The following SCN7A variants were observed in gnomAD, a reference collection of about 807,000 sequenced individuals.
SCN7A encodes the protein sodium voltage-gated channel alpha subunit 7.
Under a neutral mutation model 155.2 loss-of-function variants are expected in SCN7A, and 138 were observed. The ratio of observed to expected loss-of-function variants is 0.89; its 90% CI spans 0.77 to 1.02. SCN7A has a LOEUF of 1.02. Among genes scored for constraint, SCN7A ranks in the 50% least tolerant of loss-of-function variants. The probability of loss-of-function intolerance (pLI) is 0.00; values close to 1 mark genes in which losing one functional copy is unlikely to be tolerated. For synonymous variants in SCN7A, 693 were observed against 649.0 expected, an observed-to-expected ratio of 1.07 and a Z score of -1.03; for missense variants, 2,058 against 1,986.6, an observed-to-expected ratio of 1.04 and a Z score of -0.68.
At chr2:166,468,011 C>T (rs1188804571) in intron 7 of SCN7A, among the ~76,000 whole-genome samples, 2 of 151,686 alleles carry the variant, frequency 1.3e-5, no homozygotes, top group Non-Finnish European at 2.9e-5. Context: ...GTTTTGAGAA[C>T]TTATATCCAA....
intron 2 of SCN7A, among the ~76,000 whole-genome samples, chr2:166,485,687 C>T (rs748047245): frequency 4.6e-5 from 7 of 152,098 alleles, no homozygotes; most frequent in Non-Finnish European, 1.0e-4. Context: ...TCCAATACAA[C>T]GAACATCTTT....
rs1701082362 is a variant in SCN7A at position 166,406,610 on chromosome 2, A to G, written c.4019T>C (p.Val1340Ala). Reference sequence around the variant, plus strand: ...TATCAGTTGCACAAGTGAAGGAGGCACAAGGTAGGATCCTACTGTCATAGG... The same window carrying G: ...TATCAGTTGCACAAGTGAAGGAGGCGCAAGGTAGGATCCTACTGTCATAGG... Reference protein sequence around the residue: ...CLPMTVGSYLVPPSLVQLILL... With the variant: ...CLPMTVGSYLAPPSLVQLILL... The change falls in exon 26 of 26, where the codon GTG becomes GCG. Residue 1340 changes from valine (V) to alanine (A), a missense_variant. Val to Ala is a moderately conservative substitution (Grantham distance 64). Transcript: ENST00000643258. 1 of 1,611,438 alleles carries G rather than the reference A, an allele frequency of 6.2e-7. No individual in the cohort carries two copies. Among genetic ancestry groups the G allele is most frequent in the Non-Finnish European group, 8.5e-7 (1 of 1,178,484 alleles).
intron 21 of SCN7A, chr2:166,414,697 C>T (rs568344494): frequency 7.1e-4 from 97 of 137,578 alleles, no homozygotes; most frequent in Middle Eastern, 7.3e-3. Flanking sequence ...CATAGATACA[C>T]GAGCTTACTT....
rs537480209 is a variant in SCN7A at position 166,414,748 on chromosome 2, C to A, written c.3415-1627G>T. 3.7e-4 allele frequency: 50 copies of A among 134,524 alleles called. No individual in the cohort carries two copies. The South Asian group carries it at 0.011, about 30-fold the overall frequency. The allele number at this position is 134,524 out of a possible 1,614,324, so 8.3% of individuals were successfully genotyped here. ...ATATATATATATATAGACACACACA[C>A]AAAATATATATAGAATATATATTAC... On this transcript the variant is annotated intron_variant, in intron 21 of 25. Coordinates refer to ENST00000643258, the MANE Select transcript of SCN7A (RefSeq NM_002976.4).
intron 6 of SCN7A, among the ~76,000 whole-genome samples, chr2:166,471,238 T>C (rs1702648690): frequency 1.3e-5 from 2 of 151,864 alleles, no homozygotes; most frequent in Admixed American, 6.6e-5. Context: ...GGCTCTACCA[T>C]GAACTAACTG....
intron 2 of SCN7A, among the ~76,000 whole-genome samples, chr2:166,479,284 A>G (rs1240793809): frequency 6.6e-6 from 1 of 152,130 alleles, no homozygotes; most frequent in African/African-American, 2.4e-5. Flanking sequence ...TAAGCATAAG[A>G]TAAGTATTTA....
chr2:166,485,478 A>C (rs1195871108), intron 2 of SCN7A, among the ~76,000 whole-genome samples: 1 of 152,158 alleles, frequency 6.6e-6, no homozygotes, highest in African/African-American at 2.4e-5. Flanking sequence ...AAATATACTA[A>C]GATCAATGAG....
intron 21 of SCN7A, among the ~76,000 whole-genome samples, chr2:166,415,460 T>C (rs1182440192): frequency 1.3e-5 from 2 of 151,960 alleles, no homozygotes; most frequent in Admixed American, 1.3e-4. Context: ...CTTGACCTCA[T>C]GATCTGCCCA....
intron 1 of SCN7A, among the ~76,000 whole-genome samples, chr2:166,488,236 A>G (rs930206931): frequency 1.3e-5 from 2 of 152,236 alleles, no homozygotes; most frequent in Non-Finnish European, 2.9e-5. Flanking sequence ...CTCACATTCC[A>G]TAATGACTTA....
At position 166,423,579 on chromosome 2, in the gene SCN7A, C is replaced by CTT. The variant is rs1297633476; in HGVS notation, c.2854-149_2854-148dup. On this transcript the variant is annotated intron_variant, in intron 18 of 25. Transcript: ENST00000643258. The stretch of plus-strand genomic sequence containing the variant: ...TAGGCTCCAGGGCTGGTTCACTATG[C>CTT]TTGTACTTATTGACATAATCTATAA... 4 of 826,010 alleles carry CTT rather than the reference C, an allele frequency of 4.8e-6. No homozygotes were observed. The African/African-American group carries it at 7.2e-5, about 15-fold the overall frequency. 51.2% of individuals were successfully genotyped at this position (826,010 alleles called of 1,614,324 possible).
At chr2:166,424,656 C>T (rs962818024) in intron 18 of SCN7A, among the ~76,000 whole-genome samples, 2 of 151,734 alleles carry the variant, frequency 1.3e-5, no homozygotes, top group Non-Finnish European at 2.9e-5. Context: ...ATATATAAGG[C>T]AAAACTGATG....
At chr2:166,455,987 C>T (rs138952510) in intron 11 of SCN7A, among the ~76,000 whole-genome samples, 85 of 152,232 alleles carry the variant, frequency 5.6e-4, no homozygotes, top group African/African-American at 1.9e-3. Flanking sequence ...GGCACATATA[C>T]ACCATGAAAT....
chr2:166,457,095 T>C lies in SCN7A; in HGVS notation c.1084-19A>G, dbSNP rs770378235. 6.5e-7 allele frequency: 1 copy of C among 1,535,806 alleles called. No individual in the cohort carries two copies. Among genetic ancestry groups the C allele is most frequent in the Admixed American group, 1.8e-5 (1 of 55,000 alleles). On this transcript the variant is annotated intron_variant, in intron 10 of 25. Transcript: ENST00000643258. ...AAAGTATCTAAGGAAAGGTAGAAAGTAAGGCAAAAGAGTAAAATGTTATTT... is the reference window on the plus strand; with the variant it reads ...AAAGTATCTAAGGAAAGGTAGAAAGCAAGGCAAAAGAGTAAAATGTTATTT...
intron 20 of SCN7A, among the ~76,000 whole-genome samples, chr2:166,420,355 A>T (rs1167052763): frequency 6.6e-6 from 1 of 152,086 alleles, no homozygotes; most frequent in East Asian, 1.9e-4. Flanking sequence ...TTACGTAGTA[A>T]TTAAAGTGGC....
chr2:166,432,060 G>T (rs913212141), intron 16 of SCN7A, among the ~76,000 whole-genome samples: 1 of 151,920 alleles, frequency 6.6e-6, no homozygotes. Flanking sequence ...ACTAGGTATT[G>T]TTCTATGCAC....
Position 166,443,615 on chromosome 2 carries a change from C to T in SCN7A, c.1688G>A (p.Gly563Glu). The T allele has an allele frequency of 6.4e-7, 1 of 1,572,826 alleles. No homozygotes were observed. Among genetic ancestry groups the T allele is most frequent in the East Asian group, 2.3e-5 (1 of 43,382 alleles). Reference protein sequence around the residue: ...IFKIIAMHPYGYFQVGWNIFD... With the variant: ...IFKIIAMHPYEYFQVGWNIFD... ...AATGTTCCAACCTACTTGGAAATAC[C>T]CATATGGATGCATTGCAATTATTTT... Residue 563 changes from glycine (G) to glutamate (E), a missense_variant, in exon 14 of 26, where the codon GGG becomes GAG. By Grantham distance (98) the Gly-to-Glu change is moderately conservative (BLOSUM62 -2). Transcript: ENST00000643258.
chr2:166,425,106 C>T (rs571677282), intron 18 of SCN7A, among the ~76,000 whole-genome samples: 5 of 152,134 alleles, frequency 3.3e-5, no homozygotes, highest in South Asian at 4.1e-4. Context: ...GGTGAAATTG[C>T]GCGGTGCAGT....
At chr2:166,478,423 CAG>C (rs906361670) in intron 2 of SCN7A, among the ~76,000 whole-genome samples, 1 of 151,670 alleles carries the variant, frequency 6.6e-6, no homozygotes, top group Non-Finnish European at 1.5e-5. Flanking sequence ...CACAGGCAAA[CAG>C]AGTTTTAATT....
chr2:166,411,749 G>A (rs1216518570), intron 23 of SCN7A, among the ~76,000 whole-genome samples: 1 of 152,042 alleles, frequency 6.6e-6, no homozygotes, highest in Non-Finnish European at 1.5e-5. Flanking sequence ...CTACCCTGCG[G>A]TTTCAGGCAT....
Sources: allele counts gnomAD v4.1 joint callset (sites outside exome capture counted in the v4.1 genomes callset), GRCh38; gene constraint gnomAD v4.1.1; transcripts MANE v1.5; gene names NCBI Gene and HGNC (gene_info 2026-07-23, HGNC 2026-07-21).